Variants in TPX2 observed in about 807,000 individuals in gnomAD.
The protein encoded by TPX2 is targeting protein for Xklp2.
A neutral mutation model predicts 93.6 loss-of-function variants in TPX2; 21 were observed. That is an observed-to-expected ratio of 0.22 (90% confidence interval 0.16 to 0.32). The LOEUF (loss-of-function observed/expected upper bound fraction) is 0.32. Ranked by LOEUF, TPX2 falls within the 10% of genes least tolerant of loss-of-function variation. The pLI is 1.00. For synonymous variants in TPX2, 281 were observed against 298.3 expected (o/e 0.94, Z 0.60); for missense variants, 776 against 871.1 (o/e 0.89, Z 1.37).
intron 10 of TPX2, among the ~76,000 whole-genome samples, chr20:31,780,080 T>C (rs2062024029): frequency 6.6e-6 from 1 of 152,194 alleles, no homozygotes; most frequent in Admixed American, 6.5e-5. Context: ...AGTCTCGTTC[T>C]GGGTGTCATC....
intron 12 of TPX2, among the ~76,000 whole-genome samples, chr20:31,788,520 G>T (rs2123074744): frequency 6.6e-6 from 1 of 151,910 alleles, no homozygotes; most frequent in Admixed American, 6.6e-5. Flanking sequence ...TTGTCTGTCT[G>T]ATGCTTTTGT....
At chr20:31,766,435 G>T in intron 4 of TPX2, 121 bp from the exon 5 acceptor site, 2 of 1,124,722 alleles carry the variant, frequency 1.8e-6, no homozygotes, top group South Asian at 1.9e-5. Flanking sequence ...TGGAACTAAG[G>T]TTTCTGTGGC....
chr20:31,786,352 A>G (rs1600388490), intron 12 of TPX2, among the ~76,000 whole-genome samples: 1 of 150,088 alleles, frequency 6.7e-6, no homozygotes, highest in South Asian at 2.1e-4. Context: ...AACAGTCTAC[A>G]CCTCACCTAA....
intron 2 of TPX2, among the ~76,000 whole-genome samples, chr20:31,756,727 G>T: frequency 6.6e-6 from 1 of 151,972 alleles, no homozygotes; most frequent in East Asian, 1.9e-4. Context: ...AGGTTCAAGC[G>T]ATTCTCCTGC....
chr20:31,781,657 C>G lies in TPX2; in HGVS notation c.1055-592C>G, dbSNP rs904451413. Among the ~76,000 whole-genome samples, 3 of 151,882 alleles carry G rather than the reference C, an allele frequency of 2.0e-5. No homozygotes were observed. In the South Asian group the frequency reaches 6.2e-4, roughly 32 times the overall value. On this transcript the variant is annotated intron_variant, in intron 10 of 17. Transcript: ENST00000300403. Reference sequence around the variant, plus strand: ...TGGCATTGTCAATAGAAAGTATAGGCCTGGCCAGGCACAGTGGCTTAACGC... The same window carrying G: ...TGGCATTGTCAATAGAAAGTATAGGGCTGGCCAGGCACAGTGGCTTAACGC...
chr20:31,796,750 C>T (rs183671020), intron 15 of TPX2, among the ~76,000 whole-genome samples: 2 of 150,362 alleles, frequency 1.3e-5, no homozygotes, highest in Admixed American at 1.3e-4. Context: ...ATAGGTGATA[C>T]TGTATAGTTC....
chr20:31,764,123 T>C (rs936732429), intron 4 of TPX2, among the ~76,000 whole-genome samples: 4 of 151,512 alleles, frequency 2.6e-5, no homozygotes, highest in Admixed American at 6.6e-5. Context: ...TGTATGTGTG[T>C]ATATATGTAC....
chr20:31,752,285 A>G (rs1469716857), intron 2 of TPX2, among the ~76,000 whole-genome samples: 1 of 152,186 alleles, frequency 6.6e-6, no homozygotes, highest in African/African-American at 2.4e-5. Context: ...TAAGGGCTAT[A>G]GCTGTTTTCA....
intron 17 of TPX2, among the ~76,000 whole-genome samples, chr20:31,800,648 C>A (rs1447116287): frequency 1.3e-5 from 2 of 152,182 alleles, no homozygotes; most frequent in African/African-American, 4.8e-5. Context: ...TACTTGAGTA[C>A]AGCCCTATTA....
intron 2 of TPX2, among the ~76,000 whole-genome samples, chr20:31,743,245 T>C (rs1170908256): frequency 2.0e-5 from 3 of 152,142 alleles, no homozygotes; most frequent in Non-Finnish European, 2.9e-5. Context: ...CAAGCCCTGG[T>C]ATAAAATGAT....
intron 15 of TPX2, among the ~76,000 whole-genome samples, chr20:31,794,890 G>A (rs548639683): frequency 7.9e-5 from 12 of 151,526 alleles, no homozygotes; most frequent in African/African-American, 2.9e-4. Flanking sequence ...GCACAATCTC[G>A]GCTCACTGCA....
At chr20:31,782,136 G>GCCCA (rs1297310121) in intron 10 of TPX2, 113 bp from the exon 11 acceptor site, 1 of 1,368,678 alleles carries the variant, frequency 7.3e-7, no homozygotes, top group African/African-American at 1.5e-5. Context: ...ACTGTTGTGG[G>GCCCA]CCCACCACTC....
Position 31,798,357 on chromosome 20 carries a change from G to C in TPX2, c.1946-8G>C. On this transcript the variant is annotated splice_region_variant and splice_polypyrimidine_tract_variant and intron_variant, in intron 16 of 17. Coordinates refer to ENST00000300403, the MANE Select transcript of TPX2 (RefSeq NM_012112.5). ...GTGCACCAATATTTTTTCTGTTTCT[G>C]TACTTAGAGGGCCTTTCTGGTTCTC... The C allele has an allele frequency of 6.2e-7, 1 of 1,613,950 alleles. No individual in the cohort carries two copies. The highest frequency in any genetic ancestry group is 8.5e-7 in the Non-Finnish European group (1 of 1,180,002).
chr20:31,742,413 AG>A (rs1309385179), intron 1 of TPX2, 127 bp from the exon 2 acceptor site: 2 of 151,598 alleles, frequency 1.3e-5, no homozygotes, highest in African/African-American at 4.9e-5. Flanking sequence ...CCTGACCTCA[AG>A]TGATCCACCT....
At chr20:31,791,939 A>T (rs538264144) in intron 12 of TPX2, among the ~76,000 whole-genome samples, 1 of 152,342 alleles carries the variant, frequency 6.6e-6, no homozygotes, top group South Asian at 2.1e-4. Flanking sequence ...CTCTGTGTGA[A>T]TCAAAAAATG....
intron 1 of TPX2, among the ~76,000 whole-genome samples, chr20:31,742,174 C>CT (rs538601587): frequency 0.026 from 3,329 of 126,352 alleles, 69 homozygotes; most frequent in East Asian, 0.058. Context: ...AAAGTTTGCT[C>CT]TTTTTTTTTT....
At chr20:31,783,039 G>A (rs2062043826) in intron 11 of TPX2, among the ~76,000 whole-genome samples, 1 of 151,978 alleles carries the variant, frequency 6.6e-6, no homozygotes, top group African/African-American at 2.4e-5. Context: ...ACTCCCCAAG[G>A]GATTGTTACA....
At position 31,751,986 on chromosome 20, in the gene TPX2, G is replaced by A. The variant is rs533791220; in HGVS notation, c.-70-5421G>A. Among the ~76,000 whole-genome samples, 235 of 152,198 alleles carry A rather than the reference G, an allele frequency of 1.5e-3. 2 individuals carry two copies. Among genetic ancestry groups the A allele is most frequent in the Middle Eastern group, 3.4e-3 (1 of 294 alleles). ...TCGAACTCCTGACCTCAGGTGATCCGCCTGCCTTGGCCTTCCAAAGTGTTG... is the reference window on the plus strand; with the variant it reads ...TCGAACTCCTGACCTCAGGTGATCCACCTGCCTTGGCCTTCCAAAGTGTTG... On this transcript the variant is annotated intron_variant, in intron 2 of 17. Transcript: ENST00000300403.
intron 3 of TPX2, 112 bp from the exon 4 acceptor site, chr20:31,759,945 A>G: frequency 2.8e-6 from 4 of 1,426,376 alleles, no homozygotes; most frequent in Middle Eastern, 1.8e-4. Flanking sequence ...TGTACTTGCC[A>G]CATGAGTTGG....
Sources: allele counts gnomAD v4.1 joint callset (sites outside exome capture counted in the v4.1 genomes callset), GRCh38; gene constraint gnomAD v4.1.1; transcripts MANE v1.5; gene names NCBI Gene and HGNC (gene_info 2026-07-23, HGNC 2026-07-21).